The following ROBO1 variants were observed in gnomAD, a reference collection of about 807,000 sequenced individuals.
The protein encoded by ROBO1 is roundabout guidance receptor 1, also known as roundabout homolog 1.
A neutral mutation model predicts 195.9 loss-of-function variants in ROBO1; 149 were observed. The observed-to-expected ratio is 0.76, with a 90% CI of 0.67 to 0.87. The LOEUF (loss-of-function observed/expected upper bound fraction) is 0.87. Ranked by LOEUF, ROBO1 falls within the 40% of genes least tolerant of loss-of-function variation. The pLI, the probability that ROBO1 is intolerant of heterozygous loss-of-function variation, is 0.00. For missense variants in ROBO1, 1,933 were observed against 2,068.3 expected (o/e 0.93, Z 1.27); for synonymous variants, 816 against 733.2 (o/e 1.11, Z -1.82).
chr3:79,145,193 G>A (rs1212786961), intron 2 of ROBO1, among the ~76,000 whole-genome samples: 1 of 151,746 alleles, frequency 6.6e-6, no homozygotes, highest in African/African-American at 2.4e-5. Flanking sequence ...CATTTACAAG[G>A]AGAATAATAA....
intron 1 of ROBO1, among the ~76,000 whole-genome samples, chr3:79,677,668 A>T (rs777427253): frequency 7.2e-5 from 11 of 152,092 alleles, no homozygotes; most frequent in Non-Finnish European, 1.2e-4. Context: ...TGCAACTGCA[A>T]GTGGTCTCTG....
chr3:79,509,509 AG>A lies in ROBO1; in HGVS notation c.88+80314del, dbSNP rs1172480980. 3.3e-4 allele frequency among the ~76,000 whole-genome samples: 50 copies of A among 152,286 alleles called. 1 individual carries two copies. Among genetic ancestry groups the A allele is most frequent in the African/African-American group, 1.1e-3 (44 of 41,570 alleles). ...CTGCATTGTCACATTCTATAATTCT[AG>A]GAACAGTCTTGAATTTATCATTTTA... On this transcript the variant is annotated intron_variant, in intron 2 of 30. Coordinates refer to ENST00000464233, the MANE Select transcript of ROBO1 (RefSeq NM_002941.4).
chr3:79,257,761 T>C (rs1457662907), intron 2 of ROBO1, among the ~76,000 whole-genome samples: 1 of 152,148 alleles, frequency 6.6e-6, no homozygotes, highest in Non-Finnish European at 1.5e-5. Flanking sequence ...GTTAGAATAG[T>C]GGTTTTAGAT....
At chr3:79,577,758 A>T (rs1943537502) in intron 2 of ROBO1, among the ~76,000 whole-genome samples, 1 of 145,984 alleles carries the variant, frequency 6.9e-6, no homozygotes, top group Admixed American at 6.8e-5. Context: ...ACACACACAC[A>T]CAAAATTGCT....
chr3:78,650,320 T>C (rs1007307282), intron 19 of ROBO1, among the ~76,000 whole-genome samples: 34 of 152,102 alleles, frequency 2.2e-4, no homozygotes. Flanking sequence ...TACTGCTTCA[T>C]CCCTAGAGAG....
intron 2 of ROBO1, among the ~76,000 whole-genome samples, chr3:79,587,659 G>A (rs370033481): frequency 6.6e-6 from 1 of 151,604 alleles, no homozygotes; most frequent in Non-Finnish European, 1.5e-5. Context: ...TGCCTTCAAA[G>A]CTAATCCAGT....
At chr3:79,474,124 C>A (rs766131332) in intron 2 of ROBO1, among the ~76,000 whole-genome samples, 1 of 152,062 alleles carries the variant, frequency 6.6e-6, no homozygotes, top group Non-Finnish European at 1.5e-5. Flanking sequence ...ACATGTTAGT[C>A]AAAAACAGAT....
At chr3:78,850,890 T>A (rs1167564526) in intron 4 of ROBO1, among the ~76,000 whole-genome samples, 1 of 152,042 alleles carries the variant, frequency 6.6e-6, no homozygotes, top group Non-Finnish European at 1.5e-5. Context: ...CACTGCAACC[T>A]CCGCCTCCTG....
At position 79,648,213 on chromosome 3, in the gene ROBO1, G is replaced by A. The variant is rs375943158; in HGVS notation, c.-50-58252C>T. Among the ~76,000 whole-genome samples, 6 of 152,060 alleles carry A rather than the reference G, an allele frequency of 3.9e-5. No individual in the cohort carries two copies. In the East Asian group the frequency reaches 1.2e-3, roughly 29 times the overall value. On this transcript the variant is annotated intron_variant, in intron 1 of 30. Coordinates refer to ENST00000464233, the MANE Select transcript of ROBO1 (RefSeq NM_002941.4). ...GCTATCTAAGCAAAAAGGAACTTCT[G>A]TGTTTGGACTGGGCCCTGAAAATTT... is the stretch of plus-strand genomic sequence containing the variant.
At chr3:79,376,944 T>A (rs1178437043) in intron 2 of ROBO1, among the ~76,000 whole-genome samples, 1 of 152,068 alleles carries the variant, frequency 6.6e-6, no homozygotes, top group Non-Finnish European at 1.5e-5. Context: ...TTCACTTATA[T>A]AACAATAGAA....
chr3:79,495,417 T>TA (rs749302834), intron 2 of ROBO1, among the ~76,000 whole-genome samples: 2 of 151,992 alleles, frequency 1.3e-5, no homozygotes, highest in South Asian at 2.1e-4. Context: ...TTGAAATACA[T>TA]AAAAAAACCC....
intron 2 of ROBO1, among the ~76,000 whole-genome samples, chr3:79,260,107 AAT>A (rs145703074): frequency 3.4e-4 from 50 of 145,670 alleles, no homozygotes; most frequent in Middle Eastern, 3.6e-3. Context: ...CACACACACA[AAT>A]ATATATATAT....
chr3:78,903,284 G>A (rs2037696213), intron 4 of ROBO1, among the ~76,000 whole-genome samples: 1 of 151,880 alleles, frequency 6.6e-6, no homozygotes, highest in African/African-American at 2.4e-5. Context: ...TTCAATTTGG[G>A]AAACAGAAAG....
Position 79,177,023 on chromosome 3 carries a change from C to A in ROBO1, c.89-51484G>T, listed in dbSNP as rs138557084. Among the ~76,000 whole-genome samples the A allele has an allele frequency of 9.0e-3, 1,374 of 152,192 alleles. 20 individuals are homozygous for A. Among genetic ancestry groups the A allele is most frequent in the African/African-American group, 0.031 (1,297 of 41,514 alleles). On this transcript the variant is annotated intron_variant, in intron 2 of 30. Transcript: ENST00000464233. Reference sequence around the variant, plus strand: ...ATCTATATTCTTGAAGACAATGTAGCAGATAATTTGGAAAAGTTTGAATGA... The same window carrying A: ...ATCTATATTCTTGAAGACAATGTAGAAGATAATTTGGAAAAGTTTGAATGA...
chr3:79,290,235 T>G (rs2109025252), intron 2 of ROBO1, among the ~76,000 whole-genome samples: 1 of 152,200 alleles, frequency 6.6e-6, no homozygotes, highest in South Asian at 2.1e-4. Flanking sequence ...GGTTTCACTG[T>G]GTTGGCCAGG....
At chr3:78,625,850 CAGA>C (rs57462603) in intron 26 of ROBO1, among the ~76,000 whole-genome samples, 2,625 of 152,078 alleles carry the variant, frequency 0.017, 65 homozygotes, top group African/African-American at 0.056. Context: ...ATCAGGAAGG[CAGA>C]AGGAGTTCAA....
At chr3:78,826,383 G>A (rs1168002415) in intron 4 of ROBO1, among the ~76,000 whole-genome samples, 2 of 152,100 alleles carry the variant, frequency 1.3e-5, no homozygotes, top group Non-Finnish European at 2.9e-5. Flanking sequence ...GCTTCATTTT[G>A]AGGCCATAAT....
At chr3:79,551,900 CT>C (rs967007669) in intron 2 of ROBO1, among the ~76,000 whole-genome samples, 4 of 138,008 alleles carry the variant, frequency 2.9e-5, no homozygotes, top group East Asian at 2.3e-4. Flanking sequence ...AAGTATTTTC[CT>C]TTTTTTGCAC....
chr3:79,721,745 A>G (rs1249473816), intron 1 of ROBO1, among the ~76,000 whole-genome samples: 1 of 152,188 alleles, frequency 6.6e-6, no homozygotes, highest in Non-Finnish European at 1.5e-5. Context: ...ACACAATGCT[A>G]AAGATTTGAA....
Sources: gnomAD v4.1 joint callset for allele counts (sites outside exome capture counted in the v4.1 genomes callset) on GRCh38, gnomAD v4.1.1 for gene constraint, MANE v1.5 for transcripts, NCBI Gene and HGNC (gene_info 2026-07-23, HGNC 2026-07-21) for gene names.